The following TTC7A variants were observed in gnomAD, a reference collection of about 807,000 sequenced individuals.
TTC7A encodes tetratricopeptide repeat protein 7A.
Under a neutral mutation model 103.7 loss-of-function variants are expected in TTC7A, and 110 were observed. That is an observed-to-expected ratio of 1.06 (90% CI 0.91 to 1.24). The LOEUF is 1.24. Among genes scored for constraint, TTC7A ranks in the 50% most tolerant of loss-of-function variants. The pLI is 0.00. For synonymous variants in TTC7A, 521 were observed against 467.9 expected (o/e 1.11, Z -1.47); for missense variants, 1,340 against 1,116.3 (o/e 1.20, Z -2.86).
intron 19 of TTC7A, among the ~76,000 whole-genome samples, chr2:47,062,093 G>T (rs1683830302): frequency 6.6e-6 from 1 of 152,244 alleles, no homozygotes; most frequent in African/African-American, 2.4e-5. Context: ...TTGTCCGTGA[G>T]GAGAAGCTAC....
chr2:47,006,862 C>T (rs886425413), intron 10 of TTC7A, 138 bp downstream of exon 10: 6 of 702,222 alleles, frequency 8.5e-6, no homozygotes, highest in South Asian at 1.6e-5. Flanking sequence ...GAGTGAGGGG[C>T]GTGGGGTGGG....
At chr2:46,933,929 A>G (rs1205404636) in intron 2 of TTC7A, among the ~76,000 whole-genome samples, 1 of 152,206 alleles carries the variant, frequency 6.6e-6, no homozygotes, top group Non-Finnish European at 1.5e-5. Flanking sequence ...AGAAGAGGCC[A>G]GAGTGGAAGG....
chr2:46,959,163 G>T (rs572336804), intron 3 of TTC7A, among the ~76,000 whole-genome samples: 1 of 152,314 alleles, frequency 6.6e-6, no homozygotes, highest in Non-Finnish European at 1.5e-5. Flanking sequence ...AGTGATCCAG[G>T]CCAAGCCCTC....
chr2:47,073,326 T>G (rs1417708460), intron 19 of TTC7A, among the ~76,000 whole-genome samples: 3 of 151,950 alleles, frequency 2.0e-5, no homozygotes, highest in African/African-American at 7.3e-5. Flanking sequence ...CACCGCGCTC[T>G]CGAGAGAGAT....
At chr2:47,047,822 T>C (rs1011862632) in intron 16 of TTC7A, among the ~76,000 whole-genome samples, 1 of 152,206 alleles carries the variant, frequency 6.6e-6, no homozygotes, top group African/African-American at 2.4e-5. Flanking sequence ...GCACCTCTCC[T>C]TGGCTGCCCC....
intron 18 of TTC7A, among the ~76,000 whole-genome samples, chr2:47,052,680 A>G (rs182307566): frequency 1.6e-4 from 25 of 152,346 alleles, no homozygotes; most frequent in Non-Finnish European, 3.5e-4. Context: ...AAAGCCAAAG[A>G]TGACAAGTGC....
At chr2:47,053,353 C>T (rs562409371) in intron 18 of TTC7A, among the ~76,000 whole-genome samples, 51 of 146,812 alleles carry the variant, frequency 3.5e-4, no homozygotes, top group African/African-American at 1.2e-3. Flanking sequence ...TCCAAGGGGC[C>T]GCATGGAGCC....
intron 8 of TTC7A, among the ~76,000 whole-genome samples, chr2:47,003,268 C>G (rs777483072): frequency 2.6e-5 from 4 of 152,052 alleles, no homozygotes; most frequent in Admixed American, 2.6e-4. Flanking sequence ...GTGAACCAGA[C>G]GGGGGCATGT....
intron 4 of TTC7A, among the ~76,000 whole-genome samples, chr2:46,975,685 A>G (rs1673811184): frequency 6.6e-6 from 1 of 151,466 alleles, no homozygotes; most frequent in South Asian, 2.1e-4. Flanking sequence ...GCTCTGGTTT[A>G]TTTTTATGTA....
intron 13 of TTC7A, among the ~76,000 whole-genome samples, chr2:47,023,685 C>T (rs1394242262): frequency 2.0e-5 from 3 of 152,166 alleles, no homozygotes; most frequent in Admixed American, 6.5e-5. Flanking sequence ...CCACAAGTCT[C>T]GGTTCCTGCT....
intron 18 of TTC7A, 55 bp downstream of exon 18, chr2:47,051,935 C>A: frequency 6.4e-7 from 1 of 1,551,746 alleles, no homozygotes; most frequent in Non-Finnish European, 8.7e-7. Flanking sequence ...CACCCATGCT[C>A]TCAGAGCCCT....
At chr2:46,965,642 A>G (rs907564623) in intron 3 of TTC7A, among the ~76,000 whole-genome samples, 1 of 151,008 alleles carries the variant, frequency 6.6e-6, no homozygotes. Flanking sequence ...GCTCACTGCA[A>G]CCTCTGCCTC....
At chr2:46,930,362 C>G (rs1669626698) in intron 2 of TTC7A, among the ~76,000 whole-genome samples, 1 of 149,454 alleles carries the variant, frequency 6.7e-6, no homozygotes, top group South Asian at 2.1e-4. Context: ...TCTACGAACA[C>G]TTAAAAGATA....
At chr2:46,950,662 C>A in intron 2 of TTC7A, 136 bp downstream of exon 2, 1 of 881,452 alleles carries the variant, frequency 1.1e-6, no homozygotes, top group Non-Finnish European at 1.7e-6. Context: ...TTACAGTAGC[C>A]ACTGGCTGCA....
chr2:47,056,865 G>A (rs1256873531), intron 18 of TTC7A, among the ~76,000 whole-genome samples: 2 of 151,968 alleles, frequency 1.3e-5, no homozygotes, highest in Non-Finnish European at 2.9e-5. Context: ...GCCCCTTGAC[G>A]CTGAGGGTGC....
chr2:46,957,085 C>G, intron 3 of TTC7A, 78 bp downstream of exon 3: 1 of 1,562,500 alleles, frequency 6.4e-7, no homozygotes, highest in South Asian at 1.1e-5. Flanking sequence ...CCCTGCTGGG[C>G]TCGTGTCCAG....
chr2:47,012,351 G>A (rs1336557623), intron 11 of TTC7A, among the ~76,000 whole-genome samples: 3 of 152,162 alleles, frequency 2.0e-5, no homozygotes, highest in African/African-American at 7.2e-5. Flanking sequence ...CCCACATGAT[G>A]GATATCAGGC....
At position 47,050,123 on chromosome 2, in the gene TTC7A, G is replaced by A. The variant is rs1461174939; in HGVS notation, c.2017+77G>A. The A allele has an allele frequency of 1.0e-5, 13 of 1,268,102 alleles. No homozygotes were observed. The East Asian group carries it at 3.1e-4, about 30-fold the overall frequency. The allele number at this position is 1,268,102 out of a possible 1,614,324, so 78.6% of individuals were successfully genotyped here. A position where few individuals can be genotyped will look rare whatever the true frequency, so the allele number is the denominator to read the frequency against. ...CCCAGCTTGAGAGCACCAACACAGA[G>A]AGGGGCCGGGCCCTCTCCCAGCCGG... On this transcript the variant is annotated intron_variant, in intron 17 of 19. Transcript: ENST00000319190.
intron 3 of TTC7A, among the ~76,000 whole-genome samples, chr2:46,968,340 C>T (rs984026421): frequency 1.3e-5 from 2 of 152,232 alleles, no homozygotes; most frequent in Admixed American, 6.5e-5. Flanking sequence ...TACAACCCTC[C>T]GATGCCTCAA....
Sources: gnomAD v4.1 joint callset for allele counts (sites outside exome capture counted in the v4.1 genomes callset) on GRCh38, gnomAD v4.1.1 for gene constraint, MANE v1.5 for transcripts, NCBI Gene and HGNC (gene_info 2026-07-23, HGNC 2026-07-21) for gene names.